FNBP1: variants seen among roughly 807,000 people sequenced by gnomAD.
FNBP1 encodes formin-binding protein 1.
Under a neutral mutation model 90.6 loss-of-function variants are expected in FNBP1, and 26 were observed. The observed-to-expected ratio is 0.29, with a 90% CI of 0.21 to 0.40. The LOEUF (loss-of-function observed/expected upper bound fraction) is 0.40, where lower values mean the gene tolerates loss of function less well. Among genes scored for constraint, FNBP1 ranks in the 10% least tolerant of loss-of-function variants. The pLI, the probability that FNBP1 is intolerant of heterozygous loss-of-function variation, is 1.00. For synonymous variants in FNBP1, 260 were observed against 265.2 expected, an observed-to-expected ratio of 0.98 and a Z score of 0.19; for missense variants, 635 against 768.0, an observed-to-expected ratio of 0.83 and a Z score of 2.05.
intron 6 of FNBP1, among the ~76,000 whole-genome samples, chr9:129,932,819 C>G (rs779452103): frequency 6.6e-6 from 1 of 152,118 alleles, no homozygotes; most frequent in African/African-American, 2.4e-5. Flanking sequence ...AAATCCACCC[C>G]CTTCCAACAC....
intron 10 of FNBP1, chr9:129,916,250 G>T: frequency 2.1e-6 from 1 of 467,528 alleles, no homozygotes. Flanking sequence ...TCTGTTACAG[G>T]CCTGTACTGG....
Position 129,887,797 on chromosome 9 carries a change from C to T in FNBP1, c.*2742G>A, listed in dbSNP as rs1232267268. The T allele has an allele frequency of 4.4e-6, 1 of 229,706 alleles. No individual in the cohort carries two copies. The highest frequency in any genetic ancestry group is 8.6e-6 in the Non-Finnish European group (1 of 115,946). 14.2% of individuals were successfully genotyped at this position (229,706 alleles called of 1,614,324 possible). On this transcript the variant is annotated 3_prime_UTR_variant, in exon 17 of 17. Coordinates refer to ENST00000446176, the MANE Select transcript of FNBP1 (RefSeq NM_015033.3). ...TTTTAAAATTAGTCATCTTACAACA[C>T]AACAGTATTCTAGCACGGTGGCGAA...
intron 1 of FNBP1, among the ~76,000 whole-genome samples, chr9:130,011,376 T>C (rs939219527): frequency 1.3e-5 from 2 of 151,208 alleles, no homozygotes. Context: ...TATAAAACTT[T>C]ATTAAAATGC....
rs746669309 is a variant in FNBP1 at position 129,900,035 on chromosome 9, A to C, written c.1617T>G (p.Phe539Leu). 1.9e-6 allele frequency: 3 copies of C among 1,613,526 alleles called. No homozygotes were observed. In the Admixed American group the frequency reaches 5.0e-5, roughly 27 times the overall value. Residue 539 changes from phenylalanine to leucine, a missense_variant, in exon 15 of 17, where the codon TTT (phenylalanine) becomes TTG (leucine). Coordinates refer to ENST00000446176, the MANE Select transcript of FNBP1 (RefSeq NM_015033.3). This position sits in a 1 kb window ranked among gnomAD's most constrained non-coding sequence, Gnocchi z 4.1. Reference protein sequence around the residue: ...ESEMKVLATDFDDEFDDEEPL... With the variant: ...ESEMKVLATDLDDEFDDEEPL... ...GCTCCTCATCATCAAACTCGTCGTC[A>C]AAATCCGTGGCCAGCACCTTCATCT...
rs2034975755 is a variant in FNBP1 at position 129,890,190 on chromosome 9, G to C, written c.*349C>G. On this transcript the variant is annotated 3_prime_UTR_variant, in exon 17 of 17. Coordinates refer to ENST00000446176, the MANE Select transcript of FNBP1 (RefSeq NM_015033.3). This position sits in a 1 kb window ranked among gnomAD's most constrained non-coding sequence, Gnocchi z 5.8. ...TCACAAAAGGCACTGTGTGAAGCGC[G>C]GAAGGGCTGCCAGGACGAGCCCGGG... 4.6e-6 allele frequency: 2 copies of C among 434,916 alleles called. No individual in the cohort carries two copies. The highest frequency in any genetic ancestry group is 4.1e-6 in the Non-Finnish European group (1 of 241,420). 26.9% of individuals were successfully genotyped at this position (434,916 alleles called of 1,614,324 possible).
chr9:129,906,598 C>T (rs2131467031), intron 12 of FNBP1, among the ~76,000 whole-genome samples: 1 of 152,292 alleles, frequency 6.6e-6, no homozygotes, highest in African/African-American at 2.4e-5. Flanking sequence ...TGTGAGGCCT[C>T]CCTATCCATG....
intron 8 of FNBP1, among the ~76,000 whole-genome samples, chr9:129,925,574 C>T (rs2041760238): frequency 7.4e-6 from 1 of 135,182 alleles, no homozygotes; most frequent in African/African-American, 2.7e-5. Flanking sequence ...TTGATAATAA[C>T]TTTTTTCCTA....
chr9:129,894,779 G>A lies in FNBP1; in HGVS notation c.1846+1059C>T, dbSNP rs916167076. ...CACATCTGATCAACTGTCAATTTGG[G>A]CCAGGTGCGGTGGCTCACGCCTATA... On this transcript the variant is annotated intron_variant, in intron 16 of 16. Coordinates refer to ENST00000446176, the MANE Select transcript of FNBP1 (RefSeq NM_015033.3). Among the ~76,000 whole-genome samples, 4 of 152,330 alleles carry A rather than the reference G, an allele frequency of 2.6e-5. No homozygotes were observed. In the South Asian group the frequency reaches 6.2e-4, roughly 24 times the overall value.
intron 7 of FNBP1, among the ~76,000 whole-genome samples, chr9:129,927,997 T>C (rs2042170794): frequency 6.6e-6 from 1 of 151,144 alleles, no homozygotes; most frequent in African/African-American, 2.4e-5. Context: ...ACTTTACCTT[T>C]TACCAAAAGC....
chr9:129,994,820 A>G lies in FNBP1; in HGVS notation c.140+23T>C, dbSNP rs775942011. ...TTACATCATTTTGCAGTTAACAAAT[A>G]ACCTTTTTCAATATCAACTTACCTG... On this transcript the variant is annotated intron_variant, in intron 2 of 16. Transcript: ENST00000446176. 36 of 1,108,526 alleles carry G rather than the reference A, an allele frequency of 3.2e-5. No individual in the cohort carries two copies. In the Middle Eastern group the frequency reaches 1.2e-3, roughly 36 times the overall value. The allele number at this position is 1,108,526 out of a possible 1,614,324, so 68.7% of individuals were successfully genotyped here. A position where few individuals can be genotyped will look rare whatever the true frequency, so the allele number is the denominator to read the frequency against.
intron 1 of FNBP1, among the ~76,000 whole-genome samples, chr9:130,008,569 T>C (rs936230186): frequency 5.9e-5 from 9 of 152,182 alleles, no homozygotes; most frequent in Middle Eastern, 3.2e-3. Context: ...TCTTGCTCTT[T>C]ATAATTTAAA....
intron 8 of FNBP1, among the ~76,000 whole-genome samples, chr9:129,926,545 C>T (rs2041938405): frequency 6.6e-6 from 1 of 151,964 alleles, no homozygotes; most frequent in Non-Finnish European, 1.5e-5. Flanking sequence ...TGAAATGCCC[C>T]CAACAAGAAA....
intron 10 of FNBP1, chr9:129,919,016 TGGTGTCCAG>T: frequency 8.1e-5 from 15 of 185,452 alleles, no homozygotes; most frequent in South Asian, 3.7e-4. Context: ...TTTTTTTTCC[TGGTGTCCAG>T]TTCTCTCAAT....
At chr9:130,006,832 G>A (rs1041349648) in intron 1 of FNBP1, among the ~76,000 whole-genome samples, 1 of 152,132 alleles carries the variant, frequency 6.6e-6, no homozygotes, top group African/African-American at 2.4e-5. Flanking sequence ...TTCTGAACAC[G>A]AGATAAGAAT....
intron 6 of FNBP1, among the ~76,000 whole-genome samples, chr9:129,930,718 T>C (rs1261939371): frequency 6.6e-6 from 1 of 152,166 alleles, no homozygotes; most frequent in Non-Finnish European, 1.5e-5. Context: ...TCTAAAGTCA[T>C]CCAGAAGTAC....
rs1049518676 is a variant in FNBP1, at chr9:130,041,133, G to C, written c.24+1819C>G. On this transcript the variant is annotated intron_variant, in intron 1 of 16. Transcript: ENST00000446176. The surrounding 1 kb of genome is among the most constrained non-coding windows in gnomAD (Gnocchi z 4.3). ...AATATAGGCCTGAGCCACTGCGCCC[G>C]GCCTCTCTCATTTATTTTCAATCAC... Among the ~76,000 whole-genome samples, 1 of 151,214 alleles carries C rather than the reference G, an allele frequency of 6.6e-6. No individual in the cohort carries two copies. The highest frequency in any genetic ancestry group is 1.9e-4 in the East Asian group (1 of 5,172).
intron 6 of FNBP1, among the ~76,000 whole-genome samples, chr9:129,944,341 G>A (rs926169364): frequency 2.0e-5 from 3 of 152,010 alleles, no homozygotes; most frequent in Non-Finnish European, 4.4e-5. Flanking sequence ...AAGAGATCGA[G>A]ACCATCCAGG....
chr9:129,927,447 T>G, intron 7 of FNBP1, 106 bp from the exon 8 acceptor site: 1 of 1,083,540 alleles, frequency 9.2e-7, no homozygotes, highest in Middle Eastern at 2.1e-4. Context: ...GAGGAAAAAA[T>G]GGGTTAGAGT....
At chr9:129,947,830 C>T (rs2045565345) in intron 6 of FNBP1, among the ~76,000 whole-genome samples, 1 of 151,908 alleles carries the variant, frequency 6.6e-6, no homozygotes, top group South Asian at 2.1e-4. Context: ...CCATGTTGGT[C>T]AGGCTGGTCT....
Sources: allele counts gnomAD v4.1 joint callset (sites outside exome capture counted in the v4.1 genomes callset), GRCh38; gene constraint gnomAD v4.1.1; non-coding constraint Gnocchi (gnomAD v3.1); transcripts MANE v1.5; gene names NCBI Gene and HGNC (gene_info 2026-07-23, HGNC 2026-07-21).